The following SCAPER variants were observed in gnomAD, a reference collection of about 807,000 sequenced individuals.
The protein encoded by SCAPER is S phase cyclin A-associated protein in the endoplasmic reticulum.
Under a neutral mutation model 182.2 loss-of-function variants are expected in SCAPER, and 98 were observed. The observed-to-expected ratio is 0.54, with a 90% confidence interval of 0.46 to 0.64. The LOEUF (loss-of-function observed/expected upper bound fraction) is 0.64. Among genes scored for constraint, SCAPER ranks in the 30% least tolerant of loss-of-function variants. SCAPER has a pLI of 0.00. For synonymous variants in SCAPER, 605 were observed against 564.6 expected, an observed-to-expected ratio of 1.07 and a Z score of -1.01; for missense variants, 1,432 against 1,690.0, an observed-to-expected ratio of 0.85 and a Z score of 2.68.
At chr15:76,797,202 A>C (rs2065392188) in intron 7 of SCAPER, 1 of 152,196 alleles carries the variant, frequency 6.6e-6, no homozygotes. Flanking sequence ...AAGAAAACTG[A>C]CCAAGCAAAC....
intron 2 of SCAPER, among the ~76,000 whole-genome samples, chr15:76,876,657 G>C (rs976150841): frequency 7.2e-5 from 11 of 151,960 alleles, no homozygotes; most frequent in African/African-American, 2.7e-4. Flanking sequence ...GAAAAGCCTT[G>C]TGTTCACATC....
At chr15:76,569,280 C>T (rs956121878) in intron 23 of SCAPER, among the ~76,000 whole-genome samples, 11 of 152,084 alleles carry the variant, frequency 7.2e-5, no homozygotes, top group Non-Finnish European at 8.8e-5. Flanking sequence ...ACTTACCAAA[C>T]GCTTTCGTTG....
intron 24 of SCAPER, among the ~76,000 whole-genome samples, chr15:76,484,404 A>G (rs2051413025): frequency 6.6e-6 from 1 of 152,174 alleles, no homozygotes; most frequent in Non-Finnish European, 1.5e-5. Context: ...AAATGAAAAA[A>G]TTCCTGGATA....
chr15:76,765,451 C>T lies in SCAPER; in HGVS notation c.1499G>A (p.Arg500His), dbSNP rs750746573. ...GGATGTATTTTGGCGCCAAGACTCACGAGCTGTTCAGAAAAAAATACTATT... is the reference window on the plus strand; with the variant it reads ...GGATGTATTTTGGCGCCAAGACTCATGAGCTGTTCAGAAAAAAATACTATT... ...WNDVLADYEA[R>H]ESWRQNTSWG... The change falls in exon 13 of 32, where the codon CGT (arginine) becomes CAT (histidine). Residue 500 changes from arginine to histidine, a missense_variant. Physicochemically the swap from Arg to His is conservative, Grantham distance 29 (BLOSUM62 0). This residue lies in a region of SCAPER where 128 missense variants were observed against 149.9 expected (regional missense o/e 0.85). Coordinates refer to ENST00000563290, the MANE Select transcript of SCAPER (RefSeq NM_020843.4). 42 of 1,613,404 alleles carry T rather than the reference C, an allele frequency of 2.6e-5. No homozygotes were observed. Among genetic ancestry groups the T allele is most frequent in the Non-Finnish European group, 2.6e-5 (31 of 1,179,652 alleles).
intron 23 of SCAPER, among the ~76,000 whole-genome samples, chr15:76,535,579 C>T (rs765104706): frequency 4.9e-4 from 73 of 149,696 alleles, no homozygotes; most frequent in Non-Finnish European, 6.8e-4. Flanking sequence ...TCTGTAAAGG[C>T]CCTTGCAAAT....
In SCAPER at chr15:76,762,003, T is replaced by C. The variant is rs150509245; in HGVS notation, c.1725+2958A>G. Among the ~76,000 whole-genome samples the C allele has an allele frequency of 3.9e-5, 6 of 152,358 alleles. No homozygotes were observed. In the East Asian group the frequency reaches 9.6e-4, roughly 24 times the overall value. On this transcript the variant is annotated intron_variant, in intron 14 of 31. Coordinates refer to ENST00000563290, the MANE Select transcript of SCAPER (RefSeq NM_020843.4). ...TATTTAAATTGTTGTATCCTCCTGT[T>C]AAACTGAATCTTTTATCATTATTTA...
chr15:76,781,091 A>G (rs2151383819), intron 8 of SCAPER, among the ~76,000 whole-genome samples: 1 of 152,338 alleles, frequency 6.6e-6, no homozygotes, highest in Non-Finnish European at 1.5e-5. Context: ...AACTTCTCCA[A>G]ACTAAAGGAG....
intron 23 of SCAPER, among the ~76,000 whole-genome samples, chr15:76,517,674 T>C (rs1445436031): frequency 6.6e-6 from 1 of 152,140 alleles, no homozygotes; most frequent in Non-Finnish European, 1.5e-5. Flanking sequence ...TATATAACCA[T>C]GGTATGTTTA....
intron 25 of SCAPER, among the ~76,000 whole-genome samples, chr15:76,445,697 T>C (rs1196858133): frequency 2.6e-5 from 4 of 151,942 alleles, no homozygotes; most frequent in Non-Finnish European, 5.9e-5. Context: ...AGCTGGTGAG[T>C]CCTGGCATCT....
At chr15:76,711,912 C>G (rs1253073470) in intron 17 of SCAPER, among the ~76,000 whole-genome samples, 1 of 152,094 alleles carries the variant, frequency 6.6e-6, no homozygotes, top group Non-Finnish European at 1.5e-5. Context: ...ATGGCAGTTT[C>G]TTTTGCTGTG....
chr15:76,844,765 CT>C (rs1245300142), intron 4 of SCAPER, among the ~76,000 whole-genome samples: 2 of 152,124 alleles, frequency 1.3e-5, no homozygotes, highest in African/African-American at 2.4e-5. Flanking sequence ...GAAGGCTTCA[CT>C]GCTAAATTTT....
Position 76,727,609 on chromosome 15 carries a change from A to C in SCAPER, c.2165+986T>G, listed in dbSNP as rs192348385. Among the ~76,000 whole-genome samples, 4 of 152,254 alleles carry C rather than the reference A, an allele frequency of 2.6e-5. No homozygotes were observed. The East Asian group carries it at 7.7e-4, about 29-fold the overall frequency. On this transcript the variant is annotated intron_variant, in intron 17 of 31. Coordinates refer to ENST00000563290, the MANE Select transcript of SCAPER (RefSeq NM_020843.4). Reference sequence around the variant, plus strand: ...CAATTGCAGATAGATAAAGACTATAAAAGATAAAACTATAAAATTTTGAAG... The same window carrying C: ...CAATTGCAGATAGATAAAGACTATACAAGATAAAACTATAAAATTTTGAAG...
At chr15:76,461,310 G>T (rs2049153823) in intron 25 of SCAPER, among the ~76,000 whole-genome samples, 1 of 150,590 alleles carries the variant, frequency 6.6e-6, no homozygotes, top group African/African-American at 2.4e-5. Flanking sequence ...GGTTTTCACT[G>T]TGAAGTTACT....
chr15:76,598,564 A>T (rs1357869955), intron 22 of SCAPER, among the ~76,000 whole-genome samples: 1 of 121,936 alleles, frequency 8.2e-6, no homozygotes, highest in Non-Finnish European at 2.0e-5. Context: ...ATGCCCATCA[A>T]TGATAGACTG....
chr15:76,643,574 C>A (rs1014053604), intron 21 of SCAPER, among the ~76,000 whole-genome samples: 1 of 151,990 alleles, frequency 6.6e-6, no homozygotes, highest in Non-Finnish European at 1.5e-5. Flanking sequence ...CCCAGCTACT[C>A]GGGAGGCTGT....
chr15:76,816,528 T>C lies in SCAPER; in HGVS notation c.394-11895A>G, dbSNP rs183273595. Among the ~76,000 whole-genome samples the C allele has an allele frequency of 4.6e-4, 70 of 152,308 alleles. 2 individuals are homozygous for C. The highest frequency in any genetic ancestry group is 4.1e-4 in the South Asian group (2 of 4,826). ...CTATCATCTCCTGATGACAATGCTT[T>C]ATCCTGGAATACCACCTAAGGACCT... On this transcript the variant is annotated intron_variant, in intron 5 of 31. Coordinates refer to ENST00000563290, the MANE Select transcript of SCAPER (RefSeq NM_020843.4).
chr15:76,849,808 A>G (rs1483456718), intron 4 of SCAPER, among the ~76,000 whole-genome samples: 1 of 152,212 alleles, frequency 6.6e-6, no homozygotes, highest in East Asian at 1.9e-4. Flanking sequence ...TTATAAAGGA[A>G]AGAGGTTTAA....
intron 21 of SCAPER, among the ~76,000 whole-genome samples, chr15:76,629,949 C>T (rs918445716): frequency 5.3e-5 from 8 of 152,046 alleles, no homozygotes; most frequent in Non-Finnish European, 8.8e-5. Context: ...ACTTGTTATT[C>T]GTCTATTCAG....
chr15:76,892,087 C>G (rs981542348), intron 1 of SCAPER, among the ~76,000 whole-genome samples: 1 of 152,120 alleles, frequency 6.6e-6, no homozygotes. Context: ...AAAGGATTCC[C>G]TATTTAATAG....
Sources: gnomAD v4.1 joint callset for allele counts (sites outside exome capture counted in the v4.1 genomes callset) on GRCh38, gnomAD v4.1.1 for gene constraint, gnomAD v4.1.1 regional missense constraint, MANE v1.5 for transcripts, NCBI Gene and HGNC (gene_info 2026-07-23, HGNC 2026-07-21) for gene names.